The following ADCY8 variants were observed in gnomAD, a reference collection of about 807,000 sequenced individuals.
The protein encoded by ADCY8 is adenylate cyclase type 8.
ADCY8 carries 51 observed loss-of-function variants against 119.7 expected under a neutral mutation model. The ratio of observed to expected loss-of-function variants is 0.43; its 90% CI spans 0.34 to 0.54. The LOEUF (loss-of-function observed/expected upper bound fraction) is 0.54, where lower values mean the gene tolerates loss of function less well. ADCY8 is among the 20% of genes least tolerant of loss of function. ADCY8 has a pLI of 0.03. For synonymous variants in ADCY8, 665 were observed against 651.0 expected (o/e 1.02, Z -0.33); for missense variants, 1,383 against 1,598.8 (o/e 0.87, Z 2.30).
At chr8:131,039,032 A>T (rs1404311909) in intron 1 of ADCY8, among the ~76,000 whole-genome samples, 1 of 152,144 alleles carries the variant, frequency 6.6e-6, no homozygotes, top group Non-Finnish European at 1.5e-5. Context: ...CTAAATCTGG[A>T]TGCTTCTCCT....
intron 1 of ADCY8, among the ~76,000 whole-genome samples, chr8:131,003,206 T>TCTCACACA (rs372048150): frequency 0.1 from 14,354 of 137,376 alleles, 922 homozygotes; most frequent in African/African-American, 0.19. Context: ...TGAAACACCA[T>TCTCACACA]CACACACACA....
intron 17 of ADCY8, 42 bp downstream of exon 17, chr8:130,783,649 G>C: frequency 6.8e-7 from 1 of 1,472,008 alleles, no homozygotes; most frequent in East Asian, 2.3e-5. Context: ...TTGGAGCAAG[G>C]TCAGCTGGCT....
intron 6 of ADCY8, among the ~76,000 whole-genome samples, chr8:130,909,062 A>C (rs1476711172): frequency 6.6e-6 from 1 of 151,478 alleles, no homozygotes; most frequent in Non-Finnish European, 1.5e-5. Context: ...CCATCCATCC[A>C]TCATCTTTAA....
At chr8:130,923,912 T>C (rs1003426290) in intron 5 of ADCY8, among the ~76,000 whole-genome samples, 26 of 152,238 alleles carry the variant, frequency 1.7e-4, no homozygotes, top group African/African-American at 6.3e-4. Context: ...TTAGGGCTTA[T>C]TATCTTGTTA....
intron 2 of ADCY8, among the ~76,000 whole-genome samples, chr8:130,960,417 T>C (rs1821562849): frequency 6.7e-6 from 1 of 148,836 alleles, no homozygotes; most frequent in African/African-American, 2.4e-5. Context: ...GCATCACTAA[T>C]TGAATGGAAT....
chr8:130,960,186 G>C (rs1821556568), intron 2 of ADCY8, among the ~76,000 whole-genome samples: 1 of 152,128 alleles, frequency 6.6e-6, no homozygotes. Flanking sequence ...GAGGGAAAGA[G>C]GGGTATCAAG....
At chr8:130,902,351 A>G (rs576241825) in intron 7 of ADCY8, among the ~76,000 whole-genome samples, 2 of 152,288 alleles carry the variant, frequency 1.3e-5, no homozygotes, top group South Asian at 4.2e-4. Context: ...TGTACCATGC[A>G]CACCAACTCA....
At position 130,804,462 on chromosome 8, in the gene ADCY8, C is replaced by T. The variant is rs182205814; in HGVS notation, c.2914-3890G>A. ...AAGATGCTGTCTCTAAATACAGTTA[C>T]ATTTTGAGATCCTTGGGGTTAGGAC... On this transcript the variant is annotated intron_variant, in intron 14 of 17. Coordinates refer to ENST00000286355, the MANE Select transcript of ADCY8 (RefSeq NM_001115.3). Among the ~76,000 whole-genome samples the T allele has an allele frequency of 1.1e-3, 173 of 152,300 alleles. 2 individuals are homozygous for T. Among genetic ancestry groups the T allele is most frequent in the East Asian group, 7.7e-4 (4 of 5,188 alleles).
intron 1 of ADCY8, among the ~76,000 whole-genome samples, chr8:131,034,005 G>T (rs753172421): frequency 3.9e-5 from 6 of 151,944 alleles, no homozygotes; most frequent in Non-Finnish European, 8.8e-5. Flanking sequence ...ATTTCCTAAA[G>T]AAAAATGTAC....
intron 16 of ADCY8, 148 bp from the exon 17 acceptor site, chr8:130,783,953 A>G: frequency 1.7e-6 from 1 of 601,248 alleles, no homozygotes; most frequent in East Asian, 2.9e-5. Context: ...CTCTACACTC[A>G]AGTCACTGGT....
chr8:130,848,955 A>G (rs970238149), intron 10 of ADCY8, among the ~76,000 whole-genome samples: 15 of 152,186 alleles, frequency 9.9e-5, no homozygotes, highest in African/African-American at 2.9e-4. Context: ...TAGGTGAGAT[A>G]CTCAGCTTTC....
In ADCY8 at chr8:130,849,741, A is replaced by G. The variant is rs745647617; in HGVS notation, c.2273T>C (p.Ile758Thr). ...ACATTTATAATCCTCTGCTGTGGTG[A>G]TGAGGACCAGAGCCGAGTGCAGCAT... ...LIMLHSALVL[I>T]TTAEDYKCLP... Residue 758 changes from isoleucine (I) to threonine (T), a missense_variant, in exon 10 of 18, where the codon ATC becomes ACC. By Grantham distance (89) the Ile-to-Thr change is moderately conservative (BLOSUM62 -1). Transcript: ENST00000286355. 12 of 1,613,896 alleles carry G rather than the reference A, an allele frequency of 7.4e-6. No homozygotes were observed. Among genetic ancestry groups the G allele is most frequent in the Non-Finnish European group, 1.0e-5 (12 of 1,179,888 alleles).
chr8:130,980,271 C>A (rs1822200157), intron 2 of ADCY8, among the ~76,000 whole-genome samples: 1 of 152,164 alleles, frequency 6.6e-6, no homozygotes, highest in Admixed American at 6.5e-5. Context: ...CTGTAAAGAT[C>A]CTATTTCCAA....
At chr8:130,963,654 C>G (rs1821674755) in intron 2 of ADCY8, among the ~76,000 whole-genome samples, 1 of 151,942 alleles carries the variant, frequency 6.6e-6, no homozygotes, top group Non-Finnish European at 1.5e-5. Context: ...TCAGAGAGGT[C>G]CAGCAGTAGT....
intron 1 of ADCY8, among the ~76,000 whole-genome samples, chr8:131,012,478 A>G (rs1298983781): frequency 1.3e-5 from 2 of 152,242 alleles, no homozygotes; most frequent in Non-Finnish European, 2.9e-5. Flanking sequence ...TACCAGGATC[A>G]TAGAGGAACA....
intron 7 of ADCY8, among the ~76,000 whole-genome samples, chr8:130,888,291 T>C (rs1819064707): frequency 6.6e-6 from 1 of 151,926 alleles, no homozygotes; most frequent in Non-Finnish European, 1.5e-5. Flanking sequence ...ATATAATATA[T>C]GTATATGTGT....
At chr8:130,929,904 T>C (rs1056972117) in intron 5 of ADCY8, among the ~76,000 whole-genome samples, 1 of 152,248 alleles carries the variant, frequency 6.6e-6, no homozygotes, top group Non-Finnish European at 1.5e-5. Flanking sequence ...TTGTTCATTT[T>C]CATAGTTATT....
chr8:130,904,885 TA>T (rs1340339277), intron 6 of ADCY8, among the ~76,000 whole-genome samples: 1 of 152,206 alleles, frequency 6.6e-6, no homozygotes, highest in African/African-American at 2.4e-5. Context: ...AACTCAATCA[TA>T]CTACTTATTG....
At chr8:130,999,153 A>G (rs1822867168) in intron 1 of ADCY8, among the ~76,000 whole-genome samples, 1 of 152,166 alleles carries the variant, frequency 6.6e-6, no homozygotes, top group Admixed American at 6.5e-5. Flanking sequence ...CTAGCATCCC[A>G]GTGCTTCATA....
Sources: allele counts gnomAD v4.1 joint callset (sites outside exome capture counted in the v4.1 genomes callset), GRCh38; gene constraint gnomAD v4.1.1; transcripts MANE v1.5; gene names NCBI Gene and HGNC (gene_info 2026-07-23, HGNC 2026-07-21).